The following RIPOR2 variants were observed in gnomAD, a reference collection of about 807,000 sequenced individuals.
The protein encoded by RIPOR2 is rho family-interacting cell polarization regulator 2.
Under a neutral mutation model 114.5 loss-of-function variants are expected in RIPOR2, and 39 were observed. The ratio of observed to expected loss-of-function variants is 0.34; its 90% CI spans 0.26 to 0.44. The LOEUF is 0.44. Ranked by LOEUF, RIPOR2 falls within the 20% of genes least tolerant of loss-of-function variation. The pLI, the probability that RIPOR2 is intolerant of heterozygous loss-of-function variation, is 1.00. For synonymous variants in RIPOR2, 445 were observed against 484.4 expected, an observed-to-expected ratio of 0.92 and a Z score of 1.07; for missense variants, 1,007 against 1,255.1, an observed-to-expected ratio of 0.80 and a Z score of 2.99.
chr6:24,925,424 C>A (rs1770792825), intron 1 of RIPOR2, among the ~76,000 whole-genome samples: 1 of 152,168 alleles, frequency 6.6e-6, no homozygotes. Context: ...TAGGTTCAGG[C>A]TGGGCGCGGT....
intron 1 of RIPOR2, among the ~76,000 whole-genome samples, chr6:25,016,170 G>T (rs985833941): frequency 2.6e-5 from 4 of 152,044 alleles, no homozygotes; most frequent in African/African-American, 9.7e-5. Flanking sequence ...GGCTCCCAAA[G>T]TGCTGGGATT....
At chr6:24,893,022 C>A (rs769311432) in intron 1 of RIPOR2, among the ~76,000 whole-genome samples, 3 of 152,228 alleles carry the variant, frequency 2.0e-5, no homozygotes, top group South Asian at 2.1e-4. Context: ...CAGAGTGAGA[C>A]CCTGTCTCTA....
At chr6:24,810,705 C>T (rs1041162476) in intron 20 of RIPOR2, among the ~76,000 whole-genome samples, 1 of 152,132 alleles carries the variant, frequency 6.6e-6, no homozygotes, top group Non-Finnish European at 1.5e-5. Context: ...CACTGGATAT[C>T]AGGAAAGCAC....
intron 2 of RIPOR2, among the ~76,000 whole-genome samples, chr6:24,875,059 C>G (rs1309484760): frequency 1.3e-5 from 2 of 152,176 alleles, no homozygotes; most frequent in African/African-American, 4.8e-5. Flanking sequence ...TACTGCACCC[C>G]TCCCAGGTTA....
rs1775273684 is a variant in RIPOR2, at chr6:25,000,764, T to TC, written c.76+41086dup. Among the ~76,000 whole-genome samples, 16 of 152,312 alleles carry TC rather than the reference T, an allele frequency of 1.1e-4. 1 individual carries two copies. In the South Asian group the frequency reaches 3.3e-3, roughly 32 times the overall value. On this transcript the variant is annotated intron_variant, in intron 1 of 13. Coordinates refer to the RIPOR2 transcript ENST00000510784. ...AGCACTGAGCCTGCTGCCCCGAAGT[T>TC]CCCCAGCATTGCTGCTTTTGTTGTT...
chr6:24,945,755 G>A (rs956184595), intron 1 of RIPOR2, among the ~76,000 whole-genome samples: 2 of 152,034 alleles, frequency 1.3e-5, no homozygotes, highest in African/African-American at 4.8e-5. Flanking sequence ...AAAAAGTGTA[G>A]TAAAAGAACC....
chr6:24,980,464 T>A (rs1174205290), intron 1 of RIPOR2, among the ~76,000 whole-genome samples: 1 of 152,238 alleles, frequency 6.6e-6, no homozygotes, highest in Non-Finnish European at 1.5e-5. Flanking sequence ...ATTTTTAGAA[T>A]AGTACTGTGT....
rs759005771 is a variant in RIPOR2 at position 24,869,115 on chromosome 6, G to T, written c.480C>A (p.Arg160=). 1.8e-5 allele frequency: 29 copies of T among 1,586,970 alleles called. No individual in the cohort carries two copies. In the South Asian group the frequency reaches 3.3e-4, roughly 18 times the overall value. Residue 160 remains arginine (R), a synonymous_variant, in exon 6 of 22, where the codon CGC becomes CGA. Coordinates refer to ENST00000643898, the MANE Select transcript of RIPOR2 (RefSeq NM_001286445.3). ...TTACCTTACTTATATGAAACTCCAG[G>T]CGTCTCATGTATCTTTCAATTGTTT... The part of the protein sequence containing the change: ...QIKTIERYMR[R]LEFHISKVDE...
At chr6:25,000,487 C>A (rs1775254433) in intron 1 of RIPOR2, among the ~76,000 whole-genome samples, 2 of 152,194 alleles carry the variant, frequency 1.3e-5, no homozygotes, top group Non-Finnish European at 2.9e-5. Context: ...TAAGTGAACT[C>A]ATGAATATCT....
At chr6:24,874,545 G>A (rs1018054746) in intron 2 of RIPOR2, among the ~76,000 whole-genome samples, 2 of 152,180 alleles carry the variant, frequency 1.3e-5, no homozygotes, top group Admixed American at 6.5e-5. Flanking sequence ...AAGCTCTGTT[G>A]GGCAGAGGCT....
intron 1 of RIPOR2, among the ~76,000 whole-genome samples, chr6:25,022,532 ATTTTTTTTTTTTTTTTTTTTTTTT>A (rs10564019): frequency 7.3e-5 from 3 of 40,950 alleles, no homozygotes; most frequent in Non-Finnish European, 1.4e-4. Flanking sequence ...GGTACCTTCC[ATTTTTTTTTTTTTTTTTTTTTTTT>A]TTTTTTTTTT....
chr6:24,875,560 G>GA, intron 2 of RIPOR2, 131 bp downstream of exon 2: 2 of 799,952 alleles, frequency 2.5e-6, no homozygotes. Context: ...TCCTTTCCAT[G>GA]AAAAAGATTA....
At chr6:24,885,728 T>C (rs1766779188) in intron 1 of RIPOR2, among the ~76,000 whole-genome samples, 1 of 151,754 alleles carries the variant, frequency 6.6e-6, no homozygotes, top group South Asian at 2.1e-4. Flanking sequence ...TTTTGTAAGG[T>C]GCAAATGAGA....
intron 1 of RIPOR2, among the ~76,000 whole-genome samples, chr6:24,947,360 A>G (rs1296783668): frequency 6.6e-6 from 1 of 152,212 alleles, no homozygotes; most frequent in African/African-American, 2.4e-5. Flanking sequence ...GATGGAGGAA[A>G]TGAAGAATTA....
chr6:24,983,189 C>T (rs1774373690), intron 1 of RIPOR2, among the ~76,000 whole-genome samples: 1 of 114,234 alleles, frequency 8.8e-6, no homozygotes, highest in Non-Finnish European at 1.9e-5. Flanking sequence ...TTAGGTTGAA[C>T]ACGTACACAC....
rs368783549 is a variant in RIPOR2, at chr6:25,032,462, C to T, written c.76+9389G>A. On this transcript the variant is annotated intron_variant, in intron 1 of 13. Transcript: ENST00000510784. ...CTCAGAAACCAGGCACCCCTGGAGC[C>T]AACCCTTGATGGGATTGGAAATGGT... Among the ~76,000 whole-genome samples, 30 of 152,276 alleles carry T rather than the reference C, an allele frequency of 2.0e-4. No homozygotes were observed. The South Asian group carries it at 5.2e-3, about 26-fold the overall frequency.
rs1774081344 is a variant in RIPOR2 at position 24,976,893 on chromosome 6, A to G, written c.76+64958T>C. 9 of 1,606,744 alleles carry G rather than the reference A, an allele frequency of 5.6e-6. No homozygotes were observed. The South Asian group carries it at 8.8e-5, about 16-fold the overall frequency. Reference sequence around the variant, plus strand: ...TTTGGCAAAGTGAAAGAAGGCATGAATATTGTGGAGGCCATGGAGCGCTTT... The same window carrying G: ...TTTGGCAAAGTGAAAGAAGGCATGAGTATTGTGGAGGCCATGGAGCGCTTT... On this transcript the variant is annotated intron_variant, in intron 1 of 13. Transcript: ENST00000510784.
intron 1 of RIPOR2, among the ~76,000 whole-genome samples, chr6:24,887,255 G>A (rs755746820): frequency 2.6e-5 from 4 of 152,164 alleles, no homozygotes; most frequent in Non-Finnish European, 5.9e-5. Flanking sequence ...CCCACCGTGA[G>A]AGGGGGTACC....
chr6:24,996,857 C>G (rs1204593677), intron 1 of RIPOR2, among the ~76,000 whole-genome samples: 3 of 152,200 alleles, frequency 2.0e-5, no homozygotes, highest in Non-Finnish European at 4.4e-5. Context: ...AGGCAGAGCC[C>G]TTAAACTTTT....
Sources: gnomAD v4.1 joint callset for allele counts (sites outside exome capture counted in the v4.1 genomes callset) on GRCh38, gnomAD v4.1.1 for gene constraint, MANE v1.5 for transcripts, NCBI Gene and HGNC (gene_info 2026-07-23, HGNC 2026-07-21) for gene names.